DCDC1: variants seen among roughly 807,000 people sequenced by gnomAD.
DCDC1 encodes doublecortin domain-containing protein 1.
DCDC1 carries 200 observed loss-of-function variants against 178.3 expected under a neutral mutation model. The ratio of observed to expected loss-of-function variants is 1.12; its 90% CI spans 1.00 to 1.26. The LOEUF (loss-of-function observed/expected upper bound fraction) is 1.26, where lower values mean the gene tolerates loss of function less well. Among genes scored for constraint, DCDC1 ranks in the 50% most tolerant of loss-of-function variants. DCDC1 has a pLI of 0.00. For missense variants in DCDC1, 1,983 were observed against 1,749.2 expected, an observed-to-expected ratio of 1.13 and a Z score of -2.38; for synonymous variants, 690 against 604.8, an observed-to-expected ratio of 1.14 and a Z score of -2.07.
At chr11:31,161,533 C>T (rs938281727) in intron 9 of DCDC1, among the ~76,000 whole-genome samples, 22 of 152,140 alleles carry the variant, frequency 1.4e-4, no homozygotes, top group African/African-American at 5.1e-4. Flanking sequence ...CTGGGTGATG[C>T]GGTATTGATC....
intron 9 of DCDC1, among the ~76,000 whole-genome samples, chr11:31,237,336 T>A (rs1374676725): frequency 6.6e-6 from 1 of 151,890 alleles, no homozygotes; most frequent in Non-Finnish European, 1.5e-5. Context: ...TCAAATAATA[T>A]GCCCACAAAA....
chr11:31,028,016 T>C (rs1456312225), intron 20 of DCDC1, among the ~76,000 whole-genome samples: 1 of 151,804 alleles, frequency 6.6e-6, no homozygotes, highest in African/African-American at 2.4e-5. Flanking sequence ...GCATATCTCA[T>C]AGATATGCCC....
rs990420046 is a variant in DCDC1 at position 31,032,287 on chromosome 11, A to G, written c.2591+32182T>C. 2.0e-5 allele frequency among the ~76,000 whole-genome samples: 3 copies of G among 152,318 alleles called. No homozygotes were observed. The East Asian group carries it at 5.8e-4, about 29-fold the overall frequency. On this transcript the variant is annotated intron_variant, in intron 20 of 38. Transcript: ENST00000684477. ...GGATATAGGTCATAACAAGTGAACA[A>G]TTAGTTTCCATCAACATTTTAAGTA...
intron 9 of DCDC1, among the ~76,000 whole-genome samples, chr11:31,198,897 T>C (rs534596747): frequency 6.6e-5 from 10 of 152,116 alleles, no homozygotes; most frequent in African/African-American, 2.2e-4. Flanking sequence ...AAAGAAATCA[T>C]TTTAAATTTT....
At chr11:31,365,534 G>C (rs1951914719) in intron 1 of DCDC1, among the ~76,000 whole-genome samples, 1 of 152,074 alleles carries the variant, frequency 6.6e-6, no homozygotes, top group Admixed American at 6.5e-5. Flanking sequence ...ATATAATATA[G>C]ATATAGATTT....
At chr11:30,888,088 GAAAGAAAGAAAA>G (rs1943387389) in intron 36 of DCDC1, among the ~76,000 whole-genome samples, 1 of 111,882 alleles carries the variant, frequency 8.9e-6, no homozygotes, top group African/African-American at 3.4e-5. Context: ...GAGAGAGAAA[GAAAGAAAGAAAA>G]AGAAAGAAAG....
intron 20 of DCDC1, among the ~76,000 whole-genome samples, chr11:30,975,476 C>G (rs1950050884): frequency 6.6e-6 from 1 of 151,896 alleles, no homozygotes. Context: ...AAAAAAAACA[C>G]TAAAGATTCC....
intron 36 of DCDC1, chr11:30,883,320 A>G: frequency 4.8e-6 from 1 of 208,486 alleles, no homozygotes; most frequent in South Asian, 6.7e-5. Context: ...CAGGATACAG[A>G]AAAAGGAAAA....
chr11:31,182,950 T>C (rs1030816934), intron 9 of DCDC1, among the ~76,000 whole-genome samples: 3 of 151,436 alleles, frequency 2.0e-5, no homozygotes, highest in African/African-American at 7.3e-5. Flanking sequence ...GGGGTTGCAA[T>C]CCTAATCTCT....
At chr11:31,330,979 G>A (rs1174117243) in intron 2 of DCDC1, among the ~76,000 whole-genome samples, 2 of 152,086 alleles carry the variant, frequency 1.3e-5, no homozygotes, top group Non-Finnish European at 2.9e-5. Flanking sequence ...AAATTACCTT[G>A]GGCAGTATGG....
intron 20 of DCDC1, among the ~76,000 whole-genome samples, chr11:31,028,997 A>G (rs1953440865): frequency 6.6e-6 from 1 of 152,116 alleles, no homozygotes; most frequent in South Asian, 2.1e-4. Context: ...TATGAAGAGT[A>G]AAACAGATGC....
At chr11:30,942,915 T>A (rs573303403) in intron 21 of DCDC1, among the ~76,000 whole-genome samples, 101 of 152,342 alleles carry the variant, frequency 6.6e-4, no homozygotes, top group Admixed American at 1.3e-3. Flanking sequence ...TTAAGCTGCT[T>A]TAATTCTCGT....
intron 9 of DCDC1, among the ~76,000 whole-genome samples, chr11:31,149,143 T>C (rs888640699): frequency 1.3e-5 from 2 of 152,232 alleles, no homozygotes; most frequent in Non-Finnish European, 2.9e-5. Context: ...CACTCATTGG[T>C]TGATGGGCAC....
intron 13 of DCDC1, among the ~76,000 whole-genome samples, chr11:31,106,027 T>C (rs1958820723): frequency 6.6e-6 from 1 of 152,202 alleles, no homozygotes; most frequent in Non-Finnish European, 1.5e-5. Flanking sequence ...CTGGATGTGT[T>C]CTGTCAAAAT....
chr11:31,073,666 A>G (rs1314892329), intron 18 of DCDC1, among the ~76,000 whole-genome samples: 1 of 152,224 alleles, frequency 6.6e-6, no homozygotes, highest in Non-Finnish European at 1.5e-5. Context: ...TAAAGATTAT[A>G]AATGGCATGA....
chr11:31,173,466 T>A (rs905991830), intron 9 of DCDC1, among the ~76,000 whole-genome samples: 1 of 152,216 alleles, frequency 6.6e-6, no homozygotes, highest in East Asian at 1.9e-4. Context: ...TTCAGTAACA[T>A]CCTCCATTTC....
At chr11:31,142,101 C>A (rs900934589) in intron 9 of DCDC1, among the ~76,000 whole-genome samples, 1 of 152,104 alleles carries the variant, frequency 6.6e-6, no homozygotes, top group Admixed American at 6.6e-5. Flanking sequence ...TGTATGGGAA[C>A]GGGAGGTGGC....
intron 20 of DCDC1, among the ~76,000 whole-genome samples, chr11:30,955,409 C>A (rs1565120591): frequency 2.0e-5 from 3 of 152,152 alleles, no homozygotes; most frequent in Admixed American, 6.5e-5. Context: ...GTTCTCTCTA[C>A]CTCTCTGCTC....
At position 30,903,535 on chromosome 11, in the gene DCDC1, T is replaced by C; in HGVS notation, c.4457A>G (p.Lys1486Arg). The C allele has an allele frequency of 6.2e-7, 1 of 1,606,518 alleles. No individual in the cohort carries two copies. Among genetic ancestry groups the C allele is most frequent in the Non-Finnish European group, 8.5e-7 (1 of 1,176,170 alleles). The change falls in exon 32 of 39, where the codon AAG (lysine) becomes AGG (arginine). Residue 1486 changes from lysine to arginine, a missense_variant. Physicochemically the swap from Lys to Arg is conservative, Grantham distance 26. Coordinates refer to ENST00000684477, the MANE Select transcript of DCDC1 (RefSeq NM_001387274.1). ...TTTTCCAACAGGAGCTGCATCTTGC[T>C]TTTGTTTCTCAGAGTCTCTCTGGAG... ...SFLQRDSEKQ[K>R]QDAAPVGKEQ...
Sources: allele counts gnomAD v4.1 joint callset (sites outside exome capture counted in the v4.1 genomes callset), GRCh38; gene constraint gnomAD v4.1.1; transcripts MANE v1.5; gene names NCBI Gene and HGNC (gene_info 2026-07-23, HGNC 2026-07-21).